The following ONECUT1 variants were observed in gnomAD, a reference collection of about 807,000 sequenced individuals.
ONECUT1 encodes hepatocyte nuclear factor 6.
In ONECUT1, 12 loss-of-function variants were observed where a neutral mutation model predicts 25.6. That is an observed-to-expected ratio of 0.47 (90% CI 0.30 to 0.76). ONECUT1 has a LOEUF of 0.76. Among genes scored for constraint, ONECUT1 ranks in the 30% least tolerant of loss-of-function variants. The probability of loss-of-function intolerance (pLI) is 0.07; values close to 1 mark genes in which losing one functional copy is unlikely to be tolerated. For synonymous variants in ONECUT1, 285 were observed against 270.2 expected, an observed-to-expected ratio of 1.05 and a Z score of -0.54; for missense variants, 620 against 651.2, an observed-to-expected ratio of 0.95 and a Z score of 0.52.
intron 1 of ONECUT1, among the ~76,000 whole-genome samples, chr15:52,768,848 T>C (rs2083749751): frequency 6.6e-6 from 1 of 152,196 alleles, no homozygotes; most frequent in Non-Finnish European, 1.5e-5. Context: ...CATGATACAA[T>C]TAGTTTCACA....
intron 1 of ONECUT1, among the ~76,000 whole-genome samples, chr15:52,762,688 G>A (rs1596046073): frequency 6.6e-6 from 1 of 152,242 alleles, no homozygotes; most frequent in African/African-American, 2.4e-5. Context: ...ATAAGTAGAT[G>A]TGATTAGATC....
chr15:52,787,644 T>TGGGGGGGGGGGGGGGGGGGGGGGGGGG (rs1339145516), intron 1 of ONECUT1: 1 of 23,816 alleles, frequency 4.2e-5, no homozygotes, highest in African/African-American at 1.6e-4. Flanking sequence ...GGTGGGGGAG[T>TGGGGGGGGGGGGGGGGGGGGGGGGGGG]GGGGGGGGAG....
At chr15:52,783,185 T>A (rs1250505511) in intron 1 of ONECUT1, among the ~76,000 whole-genome samples, 1 of 152,204 alleles carries the variant, frequency 6.6e-6, no homozygotes. Flanking sequence ...TTGAACGTTT[T>A]AGCTTAATGA....
At chr15:52,780,893 G>A in intron 1 of ONECUT1, 1 of 1,318,506 alleles carries the variant, frequency 7.6e-7, no homozygotes, top group East Asian at 2.9e-5. Context: ...TCCCGTGGCG[G>A]CATATGCAAA....
intron 1 of ONECUT1, among the ~76,000 whole-genome samples, chr15:52,777,374 A>G (rs1191885513): frequency 3.9e-5 from 6 of 152,100 alleles, no homozygotes; most frequent in African/African-American, 1.4e-4. Flanking sequence ...TCTCCCTCCA[A>G]TCTGATTTGC....
intron 1 of ONECUT1, among the ~76,000 whole-genome samples, chr15:52,760,513 C>T (rs935667036): frequency 2.6e-5 from 4 of 152,038 alleles, no homozygotes; most frequent in South Asian, 2.1e-4. Context: ...AAAGAGTGTA[C>T]AGAGTCTACT....
chr15:52,765,258 G>A (rs2083727457), intron 1 of ONECUT1, among the ~76,000 whole-genome samples: 1 of 152,178 alleles, frequency 6.6e-6, no homozygotes, highest in Non-Finnish European at 1.5e-5. Flanking sequence ...AATTGACTGT[G>A]GTTGCAAAGC....
chr15:52,786,746 C>G (rs2083877646), intron 1 of ONECUT1, among the ~76,000 whole-genome samples: 1 of 150,934 alleles, frequency 6.6e-6, no homozygotes, highest in Admixed American at 6.6e-5. Flanking sequence ...GAGGTCGTCT[C>G]TGAACAGAAC....
At chr15:52,773,524 C>G (rs144079047) in intron 1 of ONECUT1, among the ~76,000 whole-genome samples, 212 of 152,232 alleles carry the variant, frequency 1.4e-3, no homozygotes, top group African/African-American at 4.8e-3. Context: ...CTGGCTTTGT[C>G]TGAGAGGGTA....
At chr15:52,762,690 G>C (rs2083712748) in intron 1 of ONECUT1, among the ~76,000 whole-genome samples, 1 of 152,182 alleles carries the variant, frequency 6.6e-6, no homozygotes, top group South Asian at 2.1e-4. Flanking sequence ...AAGTAGATGT[G>C]ATTAGATCTG....
intron 1 of ONECUT1, among the ~76,000 whole-genome samples, chr15:52,777,641 C>A (rs1248644850): frequency 2.0e-5 from 3 of 150,092 alleles, no homozygotes; most frequent in African/African-American, 7.4e-5. Context: ...TCCTACTCAT[C>A]CTCCAGATCT....
chr15:52,776,601 A>C (rs2083802646), intron 1 of ONECUT1, among the ~76,000 whole-genome samples: 2 of 152,214 alleles, frequency 1.3e-5, no homozygotes, highest in Non-Finnish European at 2.9e-5. Context: ...TTTGGGCTGC[A>C]CCAACACACC....
intron 1 of ONECUT1, among the ~76,000 whole-genome samples, chr15:52,769,517 A>G (rs142944918): frequency 6.6e-6 from 1 of 152,144 alleles, no homozygotes; most frequent in Non-Finnish European, 1.5e-5. Context: ...GGGGATATAT[A>G]TGGGGAATAT....
chr15:52,786,150 C>A (rs571513994), intron 1 of ONECUT1, among the ~76,000 whole-genome samples: 1 of 152,336 alleles, frequency 6.6e-6, no homozygotes, highest in African/African-American at 2.4e-5. Context: ...GCTCTGCAAT[C>A]CATTTTAAGG....
rs2141463787 is a variant in ONECUT1 at position 52,784,832 on chromosome 15, G to A, written c.1105+3948C>T. On this transcript the variant is annotated intron_variant, in intron 1 of 1. Transcript: ENST00000305901. This position sits in a 1 kb window ranked among gnomAD's most constrained non-coding sequence, Gnocchi z 5.0. ...GCCTGGCGGGCTCTGGGACTCCTTG[G>A]TCTCCGTAGGAGGCCATCCTAGGCC... Among the ~76,000 whole-genome samples, 1 of 152,334 alleles carries A rather than the reference G, an allele frequency of 6.6e-6. No individual in the cohort carries two copies. The highest frequency in any genetic ancestry group is 2.1e-4 in the South Asian group (1 of 4,824).
rs576972612 is a variant in ONECUT1 at position 52,759,807 on chromosome 15, C to T, written c.1106-1960G>A. Among the ~76,000 whole-genome samples the T allele has an allele frequency of 1.7e-4, 26 of 151,818 alleles. No individual in the cohort carries two copies. The East Asian group carries it at 4.5e-3, about 26-fold the overall frequency. ...TTTTTTTTATAGAGATGGGGTCTCA[C>T]CATGTTTCCTAGGCTGGTCTTGAGC... On this transcript the variant is annotated intron_variant, in intron 1 of 1. Coordinates refer to ENST00000305901, the MANE Select transcript of ONECUT1 (RefSeq NM_004498.4).
Position 52,788,839 on chromosome 15 carries a change from C to T in ONECUT1, c.1046G>A (p.Arg349Lys), listed in dbSNP as rs1452667127. ...CGGCTCCTGCAGCCACTTCCACATC[C>T]TCCGGAAGGTCTCCCGGCCGGATTT... Reference protein sequence around the residue: ...KLKSGRETFRRMWKWLQEPEF... With the variant: ...KLKSGRETFRKMWKWLQEPEF... The change falls in exon 1 of 2, where the codon AGG becomes AAG. Residue 349 changes from arginine (R) to lysine (K), a missense_variant. Arg to Lys is a conservative substitution (Grantham distance 26). Around this residue, in one of 4 missense-constraint regions of ONECUT1, gnomAD observed 146 missense variants for 201.8 expected, o/e 0.72. Transcript: ENST00000305901. The surrounding 1 kb of genome is among the most constrained non-coding windows in gnomAD (Gnocchi z 4.3). 1.9e-6 allele frequency: 3 copies of T among 1,614,154 alleles called. No individual in the cohort carries two copies. Among genetic ancestry groups the T allele is most frequent in the East Asian group, 2.2e-5 (1 of 44,884 alleles).
At chr15:52,761,090 G>A (rs1416276393) in intron 1 of ONECUT1, among the ~76,000 whole-genome samples, 1 of 151,994 alleles carries the variant, frequency 6.6e-6, no homozygotes, top group African/African-American at 2.4e-5. Context: ...GAAAGGTGGT[G>A]GTCTAGGAGA....
rs867097047 is a variant in ONECUT1 at position 52,788,737 on chromosome 15, G to A, written c.1105+43C>T. On this transcript the variant is annotated intron_variant, in intron 1 of 1. Transcript: ENST00000305901. This position sits in a 1 kb window ranked among gnomAD's most constrained non-coding sequence, Gnocchi z 4.3. ...TCCTCCTTTGGTCCCTTCGGCTTTC[G>A]TGTACCTTATCTCCCGCGCGCCCAG... 1 of 1,566,758 alleles carries A rather than the reference G, an allele frequency of 6.4e-7. No individual in the cohort carries two copies. Among genetic ancestry groups the A allele is most frequent in the Admixed American group, 1.7e-5 (1 of 58,248 alleles).
Sources: allele counts gnomAD v4.1 joint callset (sites outside exome capture counted in the v4.1 genomes callset), GRCh38; gene constraint gnomAD v4.1.1; regional missense constraint gnomAD v4.1.1; non-coding constraint Gnocchi (gnomAD v3.1); transcripts MANE v1.5; gene names NCBI Gene and HGNC (gene_info 2026-07-23, HGNC 2026-07-21).